The following ZSCAN5A variants were observed in gnomAD, a reference collection of about 807,000 sequenced individuals.
The protein encoded by ZSCAN5A is zinc finger and SCAN domain-containing protein 5A.
In ZSCAN5A, 12 loss-of-function variants were observed where a neutral mutation model predicts 23.7. The observed-to-expected ratio is 0.51, with a 90% CI of 0.32 to 0.82. ZSCAN5A has a LOEUF of 0.82. ZSCAN5A is among the 40% of genes least tolerant of loss of function. ZSCAN5A has a pLI of 0.03. For synonymous variants in ZSCAN5A, 257 were observed against 239.9 expected, an observed-to-expected ratio of 1.07 and a Z score of -0.66; for missense variants, 597 against 617.9, an observed-to-expected ratio of 0.97 and a Z score of 0.36.
intron 2 of ZSCAN5A, among the ~76,000 whole-genome samples, chr19:56,251,959 T>C (rs1342963216): frequency 6.6e-6 from 1 of 152,192 alleles, no homozygotes; most frequent in Non-Finnish European, 1.5e-5. Context: ...CTAAAATATA[T>C]ATTCTCTGCT....
intron 2 of ZSCAN5A, among the ~76,000 whole-genome samples, chr19:56,298,571 T>G (rs1246011355): frequency 6.6e-6 from 1 of 151,530 alleles, no homozygotes; most frequent in Non-Finnish European, 1.5e-5. Context: ...GAGAATCACT[T>G]GAACCTGGGA....
chr19:56,283,369 G>A (rs1327646217), intron 2 of ZSCAN5A: 1 of 151,984 alleles, frequency 6.6e-6, no homozygotes, highest in Non-Finnish European at 1.5e-5. Flanking sequence ...CTTCTTTATT[G>A]ACACAGATCC....
chr19:56,323,133 A>C (rs1474475091), intron 2 of ZSCAN5A, among the ~76,000 whole-genome samples: 1 of 151,932 alleles, frequency 6.6e-6, no homozygotes, highest in Non-Finnish European at 1.5e-5. Context: ...TGATCTCATG[A>C]TCCACCTGCC....
chr19:56,335,872 G>T (rs919751146), intron 2 of ZSCAN5A, among the ~76,000 whole-genome samples: 1 of 152,104 alleles, frequency 6.6e-6, no homozygotes, highest in Non-Finnish European at 1.5e-5. Flanking sequence ...ATGAAATTCT[G>T]GGTTGAAAAT....
At chr19:56,249,447 T>G (rs912832278) in intron 2 of ZSCAN5A, among the ~76,000 whole-genome samples, 1 of 152,182 alleles carries the variant, frequency 6.6e-6, no homozygotes, top group Non-Finnish European at 1.5e-5. Flanking sequence ...TAATTTTTTA[T>G]TTTTAGTAGA....
At chr19:56,247,007 CA>C in intron 2 of ZSCAN5A, 1 of 1,124,102 alleles carries the variant, frequency 8.9e-7, no homozygotes, top group Non-Finnish European at 1.3e-6. Context: ...CCAGGCCCTG[CA>C]GGTGCAGTCA....
intron 2 of ZSCAN5A, among the ~76,000 whole-genome samples, chr19:56,231,005 A>G (rs909911614): frequency 1.6e-4 from 25 of 152,294 alleles, no homozygotes; most frequent in African/African-American, 6.0e-4. Context: ...CTGAAAGCAG[A>G]ACTTTGAGAT....
chr19:56,247,152 T>C (rs747892586), intron 2 of ZSCAN5A: 2 of 642,138 alleles, frequency 3.1e-6, no homozygotes, highest in South Asian at 1.8e-5. Context: ...TTCAATGTAA[T>C]TTCTGTGAGA....
At chr19:56,364,174 A>T (rs553204786) in intron 1 of ZSCAN5A, among the ~76,000 whole-genome samples, 1 of 152,252 alleles carries the variant, frequency 6.6e-6, no homozygotes, top group East Asian at 1.9e-4. Flanking sequence ...AAAAATCCTT[A>T]AGTCAGGCAA....
intron 2 of ZSCAN5A, among the ~76,000 whole-genome samples, chr19:56,290,841 T>G (rs2039461949): frequency 6.6e-6 from 1 of 152,220 alleles, no homozygotes; most frequent in Non-Finnish European, 1.5e-5. Context: ...CTTCCTCCAG[T>G]AAAAAGTAAG....
chr19:56,322,277 A>G (rs1271270454), intron 2 of ZSCAN5A: 14 of 1,137,948 alleles, frequency 1.2e-5, no homozygotes, highest in Admixed American at 8.5e-5. Flanking sequence ...TCCTTCAACA[A>G]GAATTGTCCC....
At chr19:56,344,985 G>A (rs1410418905) in intron 2 of ZSCAN5A, among the ~76,000 whole-genome samples, 7 of 147,824 alleles carry the variant, frequency 4.7e-5, no homozygotes, top group Non-Finnish European at 1.0e-4. Flanking sequence ...GGCACCTGTA[G>A]TCCCAGCTAC....
rs905419836 is a variant in ZSCAN5A at position 56,325,535 on chromosome 19, A to C, written c.-357-9267T>G. Among the ~76,000 whole-genome samples, 4 of 152,136 alleles carry C rather than the reference A, an allele frequency of 2.6e-5. No individual in the cohort carries two copies. The East Asian group carries it at 7.7e-4, about 29-fold the overall frequency. ...CTTCTTGTGTGAATTTCACTCTTGC[A>C]TGACCTTTTATCCCTGCCTGAAAAC... On this transcript the variant is annotated intron_variant, in intron 2 of 6. Coordinates refer to the ZSCAN5A transcript ENST00000587340.
At chr19:56,333,493 G>A (rs564269897) in intron 2 of ZSCAN5A, among the ~76,000 whole-genome samples, 17 of 151,708 alleles carry the variant, frequency 1.1e-4, no homozygotes, top group African/African-American at 3.9e-4. Flanking sequence ...AATACCAGAA[G>A]CTCTGACTGA....
chr19:56,347,605 TGGACCAAAA>T (rs2041642648), intron 2 of ZSCAN5A: 1 of 152,170 alleles, frequency 6.6e-6, no homozygotes, highest in Non-Finnish European at 1.5e-5. Context: ...CTGTCTATAA[TGGACCAAAA>T]GCCAGATAAG....
chr19:56,310,797 TG>T (rs1451148763), intron 2 of ZSCAN5A, among the ~76,000 whole-genome samples: 4 of 152,354 alleles, frequency 2.6e-5, no homozygotes, highest in East Asian at 1.9e-4. Context: ...TTCCTTGTCC[TG>T]GTTGAAAGCT....
chr19:56,320,329 C>CCAGCCT (rs1238788024), intron 2 of ZSCAN5A: 5 of 378,404 alleles, frequency 1.3e-5, no homozygotes, highest in South Asian at 2.2e-5. Context: ...GAGTTTGAGA[C>CCAGCCT]CAGCCTGACC....
intron 2 of ZSCAN5A, among the ~76,000 whole-genome samples, chr19:56,262,856 C>A (rs893738609): frequency 2.0e-5 from 3 of 152,144 alleles, no homozygotes; most frequent in Non-Finnish European, 4.4e-5. Context: ...ATTTATTTAT[C>A]CATTCTATTG....
At chr19:56,290,587 G>A (rs1346814641) in intron 2 of ZSCAN5A, among the ~76,000 whole-genome samples, 4 of 152,246 alleles carry the variant, frequency 2.6e-5, no homozygotes, top group African/African-American at 9.6e-5. Flanking sequence ...GGTTGGACAC[G>A]GTGGCTCATG....
Sources: allele counts gnomAD v4.1 joint callset (sites outside exome capture counted in the v4.1 genomes callset), GRCh38; gene constraint gnomAD v4.1.1; transcripts MANE v1.5; gene names NCBI Gene and HGNC (gene_info 2026-07-23, HGNC 2026-07-21).